Variants in NSUN5 observed in about 807,000 individuals in gnomAD.
The protein encoded by NSUN5 is 28S rRNA (cytosine-C(5))-methyltransferase.
A neutral mutation model predicts 51.1 loss-of-function variants in NSUN5; 39 were observed. That is an observed-to-expected ratio of 0.76 (90% CI 0.59 to 1.00). The LOEUF (loss-of-function observed/expected upper bound fraction) is 1.00, where lower values mean the gene tolerates loss of function less well. Ranked by LOEUF, NSUN5 falls within the 50% of genes least tolerant of loss-of-function variation. The pLI, the probability that NSUN5 is intolerant of heterozygous loss-of-function variation, is 0.00. For missense variants in NSUN5, 526 were observed against 614.0 expected (o/e 0.86, Z 1.51); for synonymous variants, 266 against 271.5 (o/e 0.98, Z 0.20).
intron 6 of NSUN5, 51 bp from the exon 7 acceptor site, chr7:73,304,459 G>C (rs1803952273): frequency 1.3e-6 from 2 of 1,528,036 alleles, no homozygotes; most frequent in Non-Finnish European, 1.8e-6. Flanking sequence ...CTAAGGGCCT[G>C]TCACAGCCAA....
Position 73,305,617 on chromosome 7 carries a change from G to C in NSUN5, c.501-520C>G, listed in dbSNP as rs142112362. On this transcript the variant is annotated intron_variant, in intron 4 of 9. Transcript: ENST00000438747. ...GTAGCAGAAAAAGTTTACTTTACAG[G>C]GGGGTGAGGGGATGCAGGGAGGTGA... 8.8e-3 allele frequency among the ~76,000 whole-genome samples: 1,331 copies of C among 152,060 alleles called. 29 individuals are homozygous for C. The highest frequency in any genetic ancestry group is 0.03 in the African/African-American group (1,247 of 41,480).
chr7:73,306,505 A>G (rs1804046465), intron 4 of NSUN5, among the ~76,000 whole-genome samples: 1 of 151,736 alleles, frequency 6.6e-6, no homozygotes, highest in Admixed American at 6.6e-5. Flanking sequence ...CTGGAAGCAG[A>G]GAAACCAGTC....
In NSUN5 at chr7:73,303,450, C is replaced by T. The variant is rs782227704; in HGVS notation, c.1366G>A (p.Ala456Thr). The T allele has an allele frequency of 3.1e-6, 5 of 1,614,086 alleles. No homozygotes were observed. The highest frequency in any genetic ancestry group is 4.2e-6 in the Non-Finnish European group (5 of 1,180,058). ...APKRKKRQQR[A>T]AAGACTPPCT Reference sequence around the variant, plus strand: ...GGCGGTGTGCAAGCACCGGCTGCGGCTCTTTGCTGTCTCTTCTTTCTCTTT... The same window carrying T: ...GGCGGTGTGCAAGCACCGGCTGCGGTTCTTTGCTGTCTCTTCTTTCTCTTT... The change falls in exon 10 of 10, where the codon GCC (alanine) becomes ACC (threonine). Residue 456 changes from alanine to threonine, a missense_variant. Physicochemically the swap from Ala to Thr is moderately conservative, Grantham distance 58 (BLOSUM62 0). Transcript: ENST00000438747.
rs782780628 is a variant in NSUN5 at position 73,304,777 on chromosome 7, C to G, written c.725G>C (p.Ser242Thr). 6.2e-7 allele frequency: 1 copy of G among 1,613,810 alleles called. No homozygotes were observed. The highest frequency in any genetic ancestry group is 2.2e-5 in the East Asian group (1 of 44,878). ...DACAAPGNKT[S>T]HLAALLKNQG... ...GTTCTTCAGAAGAGCAGCCAAGTGA[C>G]TGGTCTTATTGCCTGGGGCGGCACA... The change falls in exon 6 of 10, where the codon AGT becomes ACT. Residue 242 changes from serine (S) to threonine (T), a missense_variant. Transcript: ENST00000438747.
At position 73,304,257 on chromosome 7, in the gene NSUN5, G is replaced by A. The variant is rs1486573583; in HGVS notation, c.907C>T (p.Leu303=). ...GAGCCACTGCAGGAAGGATCCAGCA[G>A]GATGTAGTGGACCTCATGGTAGCGT... The part of the protein sequence containing the change: ...DPRYHEVHYI[L]LDPSCSGSGM... Residue 303 remains leucine (L), a synonymous_variant, in exon 7 of 10, where the codon CTG becomes TTG. Coordinates refer to ENST00000438747, the MANE Select transcript of NSUN5 (RefSeq NM_148956.4). 3.7e-6 allele frequency: 6 copies of A among 1,613,688 alleles called. No individual in the cohort carries two copies. Among genetic ancestry groups the A allele is most frequent in the Non-Finnish European group, 5.1e-6 (6 of 1,179,806 alleles).
At chr7:73,304,484 T>C (rs1803953047) in intron 6 of NSUN5, 76 bp from the exon 7 acceptor site, 1 of 1,391,234 alleles carries the variant, frequency 7.2e-7, no homozygotes, top group Non-Finnish European at 9.9e-7. Context: ...AACATGCAGG[T>C]TAAGCCAGGA....
At chr7:73,306,740 C>T (rs1804056139) in intron 4 of NSUN5, among the ~76,000 whole-genome samples, 1 of 151,890 alleles carries the variant, frequency 6.6e-6, no homozygotes, top group African/African-American at 2.4e-5. Flanking sequence ...ATTAGCTGGA[C>T]ATTGGTGGTG....
Position 73,307,960 on chromosome 7 carries a change from T to C in NSUN5, c.217-203A>G, listed in dbSNP as rs1461886426. 6 of 587,104 alleles carry C rather than the reference T, an allele frequency of 1.0e-5. No homozygotes were observed. The African/African-American group carries it at 1.1e-4, about 11-fold the overall frequency. The allele number at this position is 587,104 out of a possible 1,614,324, so 36.4% of individuals were successfully genotyped here. ...AACCTGGCGTCTCGCTTCCCAGCCTTAGACCCTTTCTCCACCGATGTTCAC... is the reference window on the plus strand; with the variant it reads ...AACCTGGCGTCTCGCTTCCCAGCCTCAGACCCTTTCTCCACCGATGTTCAC... On this transcript the variant is annotated intron_variant, in intron 2 of 9. Transcript: ENST00000438747.
intron 1 of NSUN5, 60 bp downstream of exon 1, chr7:73,308,638 T>G: frequency 6.5e-7 from 1 of 1,536,212 alleles, no homozygotes; most frequent in Non-Finnish European, 8.9e-7. Flanking sequence ...CCCGGGCCCG[T>G]CCGACCCCAC....
rs1554541057 is a variant in NSUN5, at chr7:73,303,496, T to C, written c.1320A>G (p.Glu440=). The change falls in exon 10 of 10, where the codon GAA becomes GAG. Residue 440 remains glutamate, a synonymous_variant. Coordinates refer to ENST00000438747, the MANE Select transcript of NSUN5 (RefSeq NM_148956.4). Reference sequence around the variant, plus strand: ...TCTTTGGGGCTGGGCTGGGTGTGCGTTCTGGTGCTGATGCTTTGGCCTGTG... The same window carrying C: ...TCTTTGGGGCTGGGCTGGGTGTGCGCTCTGGTGCTGATGCTTTGGCCTGTG... ...SASQAKASAP[E]RTPSPAPKRK... The C allele has an allele frequency of 1.2e-6, 2 of 1,614,160 alleles. No individual in the cohort carries two copies. Among genetic ancestry groups the C allele is most frequent in the East Asian group, 2.2e-5 (1 of 44,866 alleles).
rs1804122892 is a variant in NSUN5 at position 73,308,160 on chromosome 7, A to T, written c.216+271T>A. 4 of 481,498 alleles carry T rather than the reference A, an allele frequency of 8.3e-6. No individual in the cohort carries two copies. The South Asian group carries it at 1.5e-4, about 18-fold the overall frequency. 29.8% of individuals were successfully genotyped at this position (481,498 alleles called of 1,614,324 possible). ...GTGATCCTCCTCCCTCAGCCTCCCG[A>T]GTAGCTGGGACCACAGGTGCGCGCC... On this transcript the variant is annotated intron_variant, in intron 2 of 9. Coordinates refer to ENST00000438747, the MANE Select transcript of NSUN5 (RefSeq NM_148956.4).
Position 73,308,485 on chromosome 7 carries a change from G to A in NSUN5, c.162C>T (p.Ile54=), listed in dbSNP as rs140382841. The A allele has an allele frequency of 1.4e-5, 22 of 1,608,198 alleles. No homozygotes were observed. The highest frequency in any genetic ancestry group is 1.9e-5 in the Non-Finnish European group (22 of 1,176,874). ...QRYSAVLDAV[I]ASAGLLRAEK... is the part of the protein sequence containing the mutation. ...CCGCACGGAGGAGGCCGGCGCTGGC[G>A]ATCACAGCATCCAGCACGGCGGAGT... The change falls in exon 2 of 10, where the codon ATC becomes ATT. Residue 54 remains isoleucine, a synonymous_variant. Coordinates refer to ENST00000438747, the MANE Select transcript of NSUN5 (RefSeq NM_148956.4).
At chr7:73,307,118 G>C (rs1586463550) in intron 4 of NSUN5, among the ~76,000 whole-genome samples, 1 of 152,162 alleles carries the variant, frequency 6.6e-6, no homozygotes, top group African/African-American at 2.4e-5. Context: ...AGGTAAGAAT[G>C]CAAGAGGGAA....
At position 73,303,832 on chromosome 7, in the gene NSUN5, G is replaced by C; in HGVS notation, c.1139C>G (p.Ala380Gly). ...VRDALQQNPG[A>G]FRLAPALPAW... ...CCTGGCGCCCGCCCTGTACCTGAAG[G>C]CGCCCGGGTTCTGCTGCAGCGCATC... The change falls in exon 8 of 10, where the codon GCC becomes GGC. Residue 380 changes from alanine (A) to glycine (G), a missense_variant. Physicochemically the swap from Ala to Gly is moderately conservative, Grantham distance 60 (BLOSUM62 0). Transcript: ENST00000438747. 1 of 1,613,868 alleles carries C rather than the reference G, an allele frequency of 6.2e-7. No homozygotes were observed. The highest frequency in any genetic ancestry group is 8.5e-7 in the Non-Finnish European group (1 of 1,179,894).
chr7:73,308,465 CGGA>C lies in NSUN5; in HGVS notation c.179_181del (p.Leu60del), dbSNP rs782004503. 6.2e-6 allele frequency: 10 copies of C among 1,607,530 alleles called. No individual in the cohort carries two copies. Among genetic ancestry groups the C allele is most frequent in the East Asian group, 2.2e-5 (1 of 44,760 alleles). On this transcript the variant is annotated inframe_deletion, in exon 2 of 10. Coordinates refer to ENST00000438747, the MANE Select transcript of NSUN5 (RefSeq NM_148956.4). ...GTGCGGCCGCAGCTTCTTCTCCGCA[CGGA>C]GGAGGCCGGCGCTGGCGATCACAGC...
At chr7:73,306,942 G>C (rs1804063358) in intron 4 of NSUN5, among the ~76,000 whole-genome samples, 1 of 152,148 alleles carries the variant, frequency 6.6e-6, no homozygotes, top group South Asian at 2.1e-4. Flanking sequence ...TTGGAGGGAG[G>C]AGAAGGAAGC....
chr7:73,303,538 G>A lies in NSUN5; in HGVS notation c.1287-9C>T, dbSNP rs782290565. On this transcript the variant is annotated splice_polypyrimidine_tract_variant and intron_variant, in intron 9 of 9. Transcript: ENST00000438747. Reference sequence around the variant, plus strand: ...TGGCCTGTGAGGCTGAGCTAGAGAAGTGTAGATGTTAGATGTGCCGGTGCC... The same window carrying A: ...TGGCCTGTGAGGCTGAGCTAGAGAAATGTAGATGTTAGATGTGCCGGTGCC... 2 of 1,614,192 alleles carry A rather than the reference G, an allele frequency of 1.2e-6. No homozygotes were observed. The highest frequency in any genetic ancestry group is 1.7e-6 in the Non-Finnish European group (2 of 1,180,030).
At position 73,305,051 on chromosome 7, in the gene NSUN5, G is replaced by A. The variant is rs34913552; in HGVS notation, c.547C>T (p.Pro183Ser). 10,014 of 1,609,570 alleles carry A rather than the reference G, an allele frequency of 6.2e-3. 487 individuals carry two copies. In the African/African-American group the frequency reaches 0.11, roughly 18 times the overall value. ...AACACCAGCAGCTCCGGCATCAAGGGGTCCAGGAGAAAATGCTTCCCCTTG... is the reference window on the plus strand; with the variant it reads ...AACACCAGCAGCTCCGGCATCAAGGAGTCCAGGAGAAAATGCTTCCCCTTG... ...ALKGKHFLLD[P>S]LMPELLVFPA... Residue 183 changes from proline (P) to serine (S), a missense_variant, in exon 5 of 10, where the codon CCC becomes TCC. Coordinates refer to ENST00000438747, the MANE Select transcript of NSUN5 (RefSeq NM_148956.4).
At chr7:73,306,650 C>T (rs1554541865) in intron 4 of NSUN5, among the ~76,000 whole-genome samples, 1 of 152,050 alleles carries the variant, frequency 6.6e-6, no homozygotes, top group Non-Finnish European at 1.5e-5. Context: ...GAGACCAAGG[C>T]GGGCAGATCA....
Sources: gnomAD v4.1 joint callset for allele counts (sites outside exome capture counted in the v4.1 genomes callset) on GRCh38, gnomAD v4.1.1 for gene constraint, MANE v1.5 for transcripts, NCBI Gene and HGNC (gene_info 2026-07-23, HGNC 2026-07-21) for gene names.